KAZN: variants seen among roughly 807,000 people sequenced by gnomAD.
The protein encoded by KAZN is kazrin, periplakin interacting protein, also known as kazrin.
Under a neutral mutation model 87.4 loss-of-function variants are expected in KAZN, and 40 were observed. That is an observed-to-expected ratio of 0.46 (90% confidence interval 0.36 to 0.60). KAZN has a LOEUF of 0.60. KAZN is among the 20% of genes least tolerant of loss of function. The probability of loss-of-function intolerance (pLI) is 0.00; values close to 1 mark genes in which losing one functional copy is unlikely to be tolerated. For missense variants in KAZN, 898 were observed against 1,073.9 expected, an observed-to-expected ratio of 0.84 and a Z score of 2.29; for synonymous variants, 466 against 458.3, an observed-to-expected ratio of 1.02 and a Z score of -0.22.
intron 1 of KAZN, among the ~76,000 whole-genome samples, chr1:14,116,044 C>T (rs187212751): frequency 1.1e-4 from 17 of 152,228 alleles, no homozygotes; most frequent in African/African-American, 3.9e-4. Context: ...GACTTGAGTG[C>T]TGTTAAAGGC....
intron 2 of KAZN, among the ~76,000 whole-genome samples, chr1:14,290,685 T>C (rs2095857): frequency 0.15 from 22,827 of 152,140 alleles, 3,302 homozygotes; most frequent in African/African-American, 0.38. Flanking sequence ...TCTGTCAGCT[T>C]GTCAAAGTCA....
intron 1 of KAZN, among the ~76,000 whole-genome samples, chr1:14,736,305 T>TA (rs1280744639): frequency 0.018 from 2,361 of 130,244 alleles, 32 homozygotes; most frequent in East Asian, 0.031. Flanking sequence ...GTGTGTATAT[T>TA]TTTTTTTTTT....
intron 2 of KAZN, among the ~76,000 whole-genome samples, chr1:14,372,877 T>C (rs1298321645): frequency 6.6e-6 from 1 of 152,216 alleles, no homozygotes; most frequent in East Asian, 1.9e-4. Context: ...CTAGTGGGAA[T>C]GTCAGGTGGT....
rs146156608 is a variant in KAZN, at chr1:14,978,011, G to A, written c.418+17136G>A. On this transcript the variant is annotated intron_variant, in intron 2 of 14. Coordinates refer to ENST00000376030, the MANE Select transcript of KAZN (RefSeq NM_201628.3). The stretch of plus-strand genomic sequence containing the variant: ...TGGTTCAAGCGATTCTCCTGCCTCC[G>A]CCTCCCGAGTAGCTGGGATTACAGG... Among the ~76,000 whole-genome samples the A allele has an allele frequency of 9.9e-3, 1,452 of 146,562 alleles. 16 individuals are homozygous for A. Among genetic ancestry groups the A allele is most frequent in the South Asian group, 0.033 (145 of 4,430 alleles).
At chr1:14,629,271 G>C (rs1679381623) in intron 1 of KAZN, among the ~76,000 whole-genome samples, 1 of 152,168 alleles carries the variant, frequency 6.6e-6, no homozygotes, top group African/African-American at 2.4e-5. Context: ...GTTAGTGCCT[G>C]ACATTGTAAG....
chr1:14,159,393 C>T (rs185564886), intron 1 of KAZN, among the ~76,000 whole-genome samples: 1 of 152,330 alleles, frequency 6.6e-6, no homozygotes, highest in African/African-American at 2.4e-5. Context: ...ACCATCACCA[C>T]AGGTCCATGC....
In KAZN at chr1:14,100,636, T is replaced by C. The variant is rs181034494; in HGVS notation, c.92-79799T>C. Among the ~76,000 whole-genome samples, 456 of 152,300 alleles carry C rather than the reference T, an allele frequency of 3.0e-3. 6 individuals carry two copies. Among genetic ancestry groups the C allele is most frequent in the African/African-American group, 0.011 (441 of 41,572 alleles). On this transcript the variant is annotated intron_variant, in intron 1 of 16. Coordinates refer to the KAZN transcript ENST00000636203. ...CAGAGACTCAGTGCCCAGGGCTTTG[T>C]TGGGGGCTGGTCACATAGGCAACCT...
At chr1:14,201,265 C>T (rs551381779) in intron 2 of KAZN, among the ~76,000 whole-genome samples, 5 of 152,304 alleles carry the variant, frequency 3.3e-5, no homozygotes, top group African/African-American at 1.2e-4. Flanking sequence ...TTTCCTCCAC[C>T]TCTTTCCAAC....
At chr1:14,136,074 G>A (rs1645103248) in intron 1 of KAZN, among the ~76,000 whole-genome samples, 1 of 152,102 alleles carries the variant, frequency 6.6e-6, no homozygotes, top group Non-Finnish European at 1.5e-5. Flanking sequence ...GAGACCCTGG[G>A]GAAGAGGAGG....
chr1:14,861,857 G>A (rs552821915), intron 1 of KAZN, among the ~76,000 whole-genome samples: 7 of 152,308 alleles, frequency 4.6e-5, no homozygotes, highest in African/African-American at 1.4e-4. Flanking sequence ...GCGACCAGGC[G>A]GAGAGAGCCG....
At chr1:14,733,829 T>G (rs1643793732) in intron 1 of KAZN, among the ~76,000 whole-genome samples, 1 of 152,202 alleles carries the variant, frequency 6.6e-6, no homozygotes. Context: ...GAAACTCCAC[T>G]TTTATTCTCT....
At chr1:14,302,336 C>T (rs1161307120) in intron 2 of KAZN, among the ~76,000 whole-genome samples, 1 of 152,206 alleles carries the variant, frequency 6.6e-6, no homozygotes, top group East Asian at 1.9e-4. Flanking sequence ...CAGGTATAGC[C>T]TCTCCCATCT....
intron 1 of KAZN, among the ~76,000 whole-genome samples, chr1:14,924,759 C>T (rs955684519): frequency 2.6e-5 from 4 of 152,082 alleles, no homozygotes; most frequent in Non-Finnish European, 5.9e-5. Context: ...GAGTGAGTTC[C>T]TCGGCGTGGG....
rs140090821 is a variant in KAZN at position 15,052,634 on chromosome 1, A to G, written c.727-3457A>G. 4.3e-3 allele frequency among the ~76,000 whole-genome samples: 653 copies of G among 152,176 alleles called. 3 individuals carry two copies. The highest frequency in any genetic ancestry group is 0.043 in the South Asian group (205 of 4,822). On this transcript the variant is annotated intron_variant, in intron 4 of 14. Coordinates refer to ENST00000376030, the MANE Select transcript of KAZN (RefSeq NM_201628.3). ...TATGTGTGTATGTGCATGTGTGTGG[A>G]TACGTGGGTGTGAAAGCAGGTGCAT... is the stretch of plus-strand genomic sequence containing the variant.
chr1:14,650,272 C>T lies in KAZN; in HGVS notation c.226+51049C>T, dbSNP rs550951560. Among the ~76,000 whole-genome samples the T allele has an allele frequency of 5.3e-5, 8 of 152,198 alleles. No homozygotes were observed. In the East Asian group the frequency reaches 9.6e-4, roughly 18 times the overall value. ...AAACCAAATACATATTAAAGACTTACGGCTGGGCACCATGACTCACACCTG... is the reference window on the plus strand; with the variant it reads ...AAACCAAATACATATTAAAGACTTATGGCTGGGCACCATGACTCACACCTG... On this transcript the variant is annotated intron_variant, in intron 1 of 14. Coordinates refer to ENST00000376030, the MANE Select transcript of KAZN (RefSeq NM_201628.3).
At position 14,591,179 on chromosome 1, in the gene KAZN, C is replaced by A. The variant is rs113700934; in HGVS notation, c.250-7804C>A. ...CTGGAAAATCAAATAGTGCCCCCCC[C>A]CCATGGACACAGCCACCGCATGAGA... On this transcript the variant is annotated intron_variant, in intron 2 of 16. Coordinates refer to the KAZN transcript ENST00000636203. Among the ~76,000 whole-genome samples, 862 of 152,078 alleles carry A rather than the reference C, an allele frequency of 5.7e-3. 6 individuals carry two copies. The highest frequency in any genetic ancestry group is 9.1e-3 in the Non-Finnish European group (616 of 67,996).
At chr1:14,121,606 G>A (rs1403996081) in intron 1 of KAZN, among the ~76,000 whole-genome samples, 1 of 152,156 alleles carries the variant, frequency 6.6e-6, no homozygotes, top group East Asian at 1.9e-4. Flanking sequence ...GGTCCATTAT[G>A]GAATACATCC....
intron 2 of KAZN, among the ~76,000 whole-genome samples, chr1:14,520,576 C>T (rs1671535103): frequency 6.6e-6 from 1 of 152,136 alleles, no homozygotes; most frequent in Admixed American, 6.5e-5. Context: ...GACTTCCTGC[C>T]CAAGCAAGAG....
chr1:14,273,462 A>G (rs967665674), intron 2 of KAZN, among the ~76,000 whole-genome samples: 4 of 152,150 alleles, frequency 2.6e-5, no homozygotes, highest in Admixed American at 6.5e-5. Context: ...GTGTTTCTCT[A>G]TTATTGGAAT....
Sources: allele counts gnomAD v4.1 joint callset (sites outside exome capture counted in the v4.1 genomes callset), GRCh38; gene constraint gnomAD v4.1.1; transcripts MANE v1.5; gene names NCBI Gene and HGNC (gene_info 2026-07-23, HGNC 2026-07-21).